The following DHRS4L2 variants were observed in gnomAD, a reference collection of about 807,000 sequenced individuals.
The protein encoded by DHRS4L2 is dehydrogenase/reductase SDR family member 4-like 2.
DHRS4L2 carries 22 observed loss-of-function variants against 23.9 expected under a neutral mutation model. That is an observed-to-expected ratio of 0.92 (90% CI 0.66 to 1.31). DHRS4L2 has a LOEUF of 1.31. DHRS4L2 is among the 40% of genes most tolerant of loss of function. DHRS4L2 has a pLI of 0.00. For missense variants in DHRS4L2, 385 were observed against 303.3 expected (o/e 1.27, Z -2.00); for synonymous variants, 141 against 123.7 (o/e 1.14, Z -0.93).
At chr14:23,975,920 C>T (rs956305108) in intron 1 of DHRS4L2, among the ~76,000 whole-genome samples, 4 of 151,622 alleles carry the variant, frequency 2.6e-5, no homozygotes, top group Non-Finnish European at 5.9e-5. Flanking sequence ...AAAGCTGAAA[C>T]TGCATGCGTT....
Position 23,974,019 on chromosome 14 carries a change from G to A in DHRS4L2, c.-176+3687G>A, listed in dbSNP as rs1315969966. ...GGAAGTAAAACACTCCTCAGCAAATGCCAAAGAACAGCAATCACAACAAAC... is the reference window on the plus strand; with the variant it reads ...GGAAGTAAAACACTCCTCAGCAAATACCAAAGAACAGCAATCACAACAAAC... On this transcript the variant is annotated intron_variant, in intron 1 of 5. Coordinates refer to the DHRS4L2 transcript ENST00000534993. 2.0e-5 allele frequency among the ~76,000 whole-genome samples: 3 copies of A among 151,556 alleles called. No homozygotes were observed. The East Asian group carries it at 5.8e-4, about 29-fold the overall frequency.
Position 23,989,193 on chromosome 14 carries a change from A to G in DHRS4L2, c.128+118A>G, listed in dbSNP as rs2034213812. ...CCTCACATACCGCCAAAGTCTGGCC[A>G]TGGAAAAAAAGTAGCCACGTGGTCC... On this transcript the variant is annotated intron_variant, in intron 1 of 7. Coordinates refer to ENST00000335125, the MANE Select transcript of DHRS4L2 (RefSeq NM_198083.4). The G allele has an allele frequency of 6.8e-6, 10 of 1,479,108 alleles. No homozygotes were observed. In the East Asian group the frequency reaches 1.5e-4, roughly 22 times the overall value. The allele number at this position is 1,479,108 out of a possible 1,614,324, so 91.6% of individuals were successfully genotyped here.
chr14:23,988,860 G>C (rs2034203044), upstream of DHRS4L2: 1 of 1,517,230 alleles, frequency 6.6e-7, no homozygotes, highest in Non-Finnish European at 8.8e-7. Flanking sequence ...GGGCAGGCAG[G>C]GAAGCGGCCC....
At chr14:23,988,440 G>C (rs1033372079), upstream of DHRS4L2, among the ~76,000 whole-genome samples, 2 of 149,552 alleles carry the variant, frequency 1.3e-5, no homozygotes, top group African/African-American at 2.4e-5. Context: ...CTCCCAGGCT[G>C]CTCCAGCCTC....
chr14:23,982,528 G>A (rs964138821), intron 1 of DHRS4L2, among the ~76,000 whole-genome samples: 4 of 135,558 alleles, frequency 3.0e-5, no homozygotes, highest in Admixed American at 2.9e-4. Flanking sequence ...AACACAGCTG[G>A]AGGCATCACG....
intron 1 of DHRS4L2, among the ~76,000 whole-genome samples, chr14:23,975,288 T>C (rs548141005): frequency 3.3e-5 from 5 of 151,484 alleles, no homozygotes; most frequent in African/African-American, 1.2e-4. Flanking sequence ...TATATGCAAA[T>C]AATAGACAGA....
intron 1 of DHRS4L2, among the ~76,000 whole-genome samples, chr14:23,982,554 C>CTA (rs4048592): frequency 0.58 from 87,397 of 150,732 alleles, 29,221 homozygotes; most frequent in African/African-American, 0.88. Context: ...TGACTTCAAA[C>CTA]TACTGCAAGG....
chr14:23,995,865 G>C (rs963926231), intron 3 of DHRS4L2, among the ~76,000 whole-genome samples: 1 of 151,650 alleles, frequency 6.6e-6, no homozygotes, highest in Non-Finnish European at 1.5e-5. Flanking sequence ...ATGGTTCTGC[G>C]TTTTACACTG....
rs927763048 is a variant in DHRS4L2 at position 23,998,611 on chromosome 14, A to T, written c.409-2252A>T. Among the ~76,000 whole-genome samples, 3 of 151,566 alleles carry T rather than the reference A, an allele frequency of 2.0e-5. 1 individual carries two copies. Among genetic ancestry groups the T allele is most frequent in the African/African-American group, 7.2e-5 (3 of 41,406 alleles). ...GCTTCTTAAACCTCATGAACCAACC[A>T]CTGCTAGCTTCCAACTTTTCCGGAG... On this transcript the variant is annotated intron_variant, in intron 3 of 7. Coordinates refer to ENST00000335125, the MANE Select transcript of DHRS4L2 (RefSeq NM_198083.4).
intron 3 of DHRS4L2, among the ~76,000 whole-genome samples, chr14:23,997,791 G>A (rs201260589): frequency 8.6e-5 from 13 of 151,316 alleles, no homozygotes; most frequent in East Asian, 3.9e-4. Context: ...CATCCATGAG[G>A]GTTGGAATCA....
At chr14:23,982,236 G>T (rs1043779651) in intron 1 of DHRS4L2, among the ~76,000 whole-genome samples, 1 of 151,660 alleles carries the variant, frequency 6.6e-6, no homozygotes, top group Non-Finnish European at 1.5e-5. Context: ...CTGAAGAATG[G>T]TGATGACTTT....
upstream of DHRS4L2, among the ~76,000 whole-genome samples, chr14:23,986,466 C>T (rs986076213): frequency 4.0e-5 from 6 of 150,196 alleles, no homozygotes; most frequent in African/African-American, 1.5e-4. Flanking sequence ...ATGTAAAAAA[C>T]CTGCACGTTG....
At chr14:23,997,758 T>C (rs1281507629) in intron 3 of DHRS4L2, among the ~76,000 whole-genome samples, 2 of 151,480 alleles carry the variant, frequency 1.3e-5, no homozygotes, top group East Asian at 3.9e-4. Flanking sequence ...CTTCCTCTGA[T>C]GCAGTCTTGA....
At chr14:23,973,289 C>T (rs866341968) in intron 1 of DHRS4L2, among the ~76,000 whole-genome samples, 12 of 151,982 alleles carry the variant, frequency 7.9e-5, no homozygotes, top group Admixed American at 6.5e-4. Context: ...TGCATTGTGC[C>T]GCCAAGGCCA....
At chr14:23,977,074 G>T (rs1242431849) in intron 1 of DHRS4L2, among the ~76,000 whole-genome samples, 1 of 151,770 alleles carries the variant, frequency 6.6e-6, no homozygotes, top group Non-Finnish European at 1.5e-5. Flanking sequence ...TGCACGTTGT[G>T]CACATGTGCC....
In DHRS4L2 at chr14:23,973,192, T is replaced by G. The variant is rs974469173; in HGVS notation, c.-176+2860T>G. On this transcript the variant is annotated intron_variant, in intron 1 of 5. Transcript: ENST00000534993. ...GGACAGTCAGGTCTTTCTCATCCCA[T>G]GAGGCCATATTTCAGACTATCACAT... 2.5e-4 allele frequency among the ~76,000 whole-genome samples: 38 copies of G among 152,048 alleles called. 2 individuals are homozygous for G. The highest frequency in any genetic ancestry group is 6.8e-4 in the African/African-American group (28 of 41,442).
chr14:23,974,751 TAATTA>T (rs1160193410), intron 1 of DHRS4L2, among the ~76,000 whole-genome samples: 1 of 151,886 alleles, frequency 6.6e-6, no homozygotes, highest in Non-Finnish European at 1.5e-5. Context: ...ATTGAGGCAA[TAATTA>T]ATAGCCTACC....
chr14:23,988,200 A>G (rs2138529595), upstream of DHRS4L2, among the ~76,000 whole-genome samples: 2 of 150,526 alleles, frequency 1.3e-5, no homozygotes, highest in Middle Eastern at 6.8e-3. Flanking sequence ...GTTAGGGAGA[A>G]CTTGAGTGCC....
At chr14:24,004,266 C>T in intron 6 of DHRS4L2, 71 bp from the exon 7 acceptor site, 1 of 1,350,914 alleles carries the variant, frequency 7.4e-7, no homozygotes, top group Non-Finnish European at 9.7e-7. Flanking sequence ...AAGACTCCGT[C>T]TCTAAAAAAA....
Sources: allele counts gnomAD v4.1 joint callset (sites outside exome capture counted in the v4.1 genomes callset), GRCh38; gene constraint gnomAD v4.1.1; transcripts MANE v1.5; gene names NCBI Gene and HGNC (gene_info 2026-07-23, HGNC 2026-07-21).